SBF2: variants seen among roughly 807,000 people sequenced by gnomAD.
SBF2 encodes the protein SET binding factor 2.
Under a neutral mutation model 225.2 loss-of-function variants are expected in SBF2, and 112 were observed. The ratio of observed to expected loss-of-function variants is 0.50; its 90% CI spans 0.43 to 0.58. The LOEUF is 0.58. SBF2 is among the 20% of genes least tolerant of loss of function. The pLI is 0.00. For synonymous variants in SBF2, 763 were observed against 773.3 expected (o/e 0.99, Z 0.22); for missense variants, 1,996 against 2,206.2 (o/e 0.90, Z 1.91).
chr11:10,142,660 C>T (rs893355689), intron 2 of SBF2, among the ~76,000 whole-genome samples: 5 of 152,028 alleles, frequency 3.3e-5, no homozygotes, highest in African/African-American at 9.7e-5. Flanking sequence ...TCCCCACAAA[C>T]CACATAAAAC....
intron 1 of SBF2, among the ~76,000 whole-genome samples, chr11:10,210,536 A>G (rs1957901027): frequency 6.6e-6 from 1 of 152,100 alleles, no homozygotes; most frequent in Non-Finnish European, 1.5e-5. Flanking sequence ...AAAACACAAG[A>G]GTTTTATTTC....
intron 6 of SBF2, among the ~76,000 whole-genome samples, chr11:10,017,206 G>A (rs72858809): frequency 0.064 from 9,808 of 152,180 alleles, 384 homozygotes; most frequent in Middle Eastern, 0.16. Flanking sequence ...AAGAAAAAAA[G>A]AACTTTCTCC....
At chr11:9,851,135 C>CAAAAAA (rs773210379) in intron 21 of SBF2, among the ~76,000 whole-genome samples, 5 of 72,488 alleles carry the variant, frequency 6.9e-5, no homozygotes, top group South Asian at 4.9e-4. Flanking sequence ...GACTCCATCT[C>CAAAAAA]AAAAAAAAAA....
At chr11:10,243,634 G>A (rs11819840) in intron 1 of SBF2, among the ~76,000 whole-genome samples, 1,617 of 151,956 alleles carry the variant, frequency 0.011, 33 homozygotes, top group African/African-American at 0.037. Flanking sequence ...TACAATTGAT[G>A]CCACAAAAAT....
chr11:10,097,187 T>C lies in SBF2; in HGVS notation c.142-54206A>G, dbSNP rs544170985. Among the ~76,000 whole-genome samples, 3 of 152,348 alleles carry C rather than the reference T, an allele frequency of 2.0e-5. No individual in the cohort carries two copies. The South Asian group carries it at 6.2e-4, about 32-fold the overall frequency. On this transcript the variant is annotated intron_variant, in intron 2 of 39. Coordinates refer to ENST00000256190, the MANE Select transcript of SBF2 (RefSeq NM_030962.4). ...CACCCTGTCCGTCACTTTCGCCATT[T>C]GAGAACACAGCATTCTCTCCTCCAG... is the stretch of plus-strand genomic sequence containing the variant.
At chr11:10,214,393 G>A (rs1201842106) in intron 1 of SBF2, among the ~76,000 whole-genome samples, 2 of 152,124 alleles carry the variant, frequency 1.3e-5, no homozygotes, top group African/African-American at 4.8e-5. Context: ...GGAGTCCGAG[G>A]CGGGCGGATC....
At chr11:10,156,239 C>T (rs1163719603) in intron 2 of SBF2, among the ~76,000 whole-genome samples, 1 of 152,236 alleles carries the variant, frequency 6.6e-6, no homozygotes, top group African/African-American at 2.4e-5. Flanking sequence ...GTGGTGCTGA[C>T]ATGACAGCCC....
rs770319922 is a variant in SBF2, at chr11:9,965,322, A to G, written c.1601-1440T>C. The stretch of plus-strand genomic sequence containing the variant: ...CTTTTTTTTTTTTTTTTTTTTTGAG[A>G]CAGAGTTTCACTCTTATTGCCCAGG... On this transcript the variant is annotated intron_variant, in intron 14 of 39. Coordinates refer to ENST00000256190, the MANE Select transcript of SBF2 (RefSeq NM_030962.4). 4.6e-4 allele frequency among the ~76,000 whole-genome samples: 64 copies of G among 139,690 alleles called. 2 individuals carry two copies. The highest frequency in any genetic ancestry group is 7.6e-4 in the Non-Finnish European group (50 of 65,760). 91.6% of individuals were successfully genotyped at this position (139,690 alleles called of 152,430 possible).
At chr11:10,101,728 G>T (rs1326648568) in intron 2 of SBF2, among the ~76,000 whole-genome samples, 1 of 151,124 alleles carries the variant, frequency 6.6e-6, no homozygotes, top group South Asian at 2.1e-4. Flanking sequence ...CCTCTGCAAG[G>T]GTTTAATTAA....
At chr11:10,119,684 C>T (rs1046750258) in intron 2 of SBF2, among the ~76,000 whole-genome samples, 12 of 151,788 alleles carry the variant, frequency 7.9e-5, no homozygotes, top group Non-Finnish European at 1.3e-4. Flanking sequence ...AATTGGAGTC[C>T]GACAGTATGT....
At chr11:10,278,024 G>A (rs12294052) in intron 1 of SBF2, among the ~76,000 whole-genome samples, 4,835 of 152,190 alleles carry the variant, frequency 0.032, 227 homozygotes, top group African/African-American at 0.1. Flanking sequence ...ATTTTAAAGT[G>A]AGAATTCTCT....
intron 16 of SBF2, chr11:9,928,810 T>C (rs1864257505): frequency 4.8e-6 from 1 of 209,330 alleles, no homozygotes; most frequent in Non-Finnish European, 9.8e-6. Flanking sequence ...TTATGTTTTA[T>C]ACATCATTTT....
At position 9,825,525 on chromosome 11, in the gene SBF2, G is replaced by A. The variant is rs112638075; in HGVS notation, c.3793+3831C>T. Reference sequence around the variant, plus strand: ...ACACTCATTGGAAAGATGACTCAAGGAGGTTGAAAGCTCTTAGGAAATCCT... The same window carrying A: ...ACACTCATTGGAAAGATGACTCAAGAAGGTTGAAAGCTCTTAGGAAATCCT... On this transcript the variant is annotated intron_variant, in intron 28 of 39. Coordinates refer to ENST00000256190, the MANE Select transcript of SBF2 (RefSeq NM_030962.4). Among the ~76,000 whole-genome samples, 508 of 152,306 alleles carry A rather than the reference G, an allele frequency of 3.3e-3. 6 individuals carry two copies. Among genetic ancestry groups the A allele is most frequent in the African/African-American group, 0.011 (471 of 41,566 alleles).
At position 10,002,606 on chromosome 11, in the gene SBF2, T is replaced by C. The variant is rs1441387053; in HGVS notation, c.703A>G (p.Ser235Gly). The C allele has an allele frequency of 1.9e-6, 3 of 1,612,824 alleles. No individual in the cohort carries two copies. The highest frequency in any genetic ancestry group is 2.5e-6 in the Non-Finnish European group (3 of 1,178,994). The part of the protein sequence containing the change: ...LFHSASFQRL[S>G]DACRALESLM... ...GATTCCAGGGCTCTACAAGCATCACTAAGTCTCTGGAAACTTGCAGAATGG... is the reference window on the plus strand; with the variant it reads ...GATTCCAGGGCTCTACAAGCATCACCAAGTCTCTGGAAACTTGCAGAATGG... Residue 235 changes from serine (S) to glycine (G), a missense_variant, in exon 7 of 40, where the codon AGT (serine) becomes GGT (glycine). Coordinates refer to ENST00000256190, the MANE Select transcript of SBF2 (RefSeq NM_030962.4).
At position 9,886,469 on chromosome 11, in the gene SBF2, T is replaced by C. The variant is rs181432201; in HGVS notation, c.1929+9474A>G. On this transcript the variant is annotated intron_variant, in intron 17 of 39. Coordinates refer to ENST00000256190, the MANE Select transcript of SBF2 (RefSeq NM_030962.4). ...TTGTAGCTGGACTTATCTTTCAAGT[T>C]AAAATTCTGCAATTTTCCTTGTTTT... 2.6e-3 allele frequency among the ~76,000 whole-genome samples: 397 copies of C among 152,328 alleles called. 13 individuals carry two copies. The highest frequency in any genetic ancestry group is 0.026 in the Admixed American group (395 of 15,294).
chr11:9,901,643 G>C (rs1018730516), intron 16 of SBF2, among the ~76,000 whole-genome samples: 2 of 152,072 alleles, frequency 1.3e-5, no homozygotes, highest in Non-Finnish European at 2.9e-5. Flanking sequence ...TCATTAAATG[G>C]GTTTTTTTTA....
In SBF2 at chr11:9,780,410, C is replaced by G; in HGVS notation, c.*8G>C. On this transcript the variant is annotated 3_prime_UTR_variant, in exon 40 of 40. Transcript: ENST00000256190. Reference sequence around the variant, plus strand: ...TTCTGTTTCTTCTGCGTGGGTTGACCATGGGCATCAGGCATCAGAGATACA... The same window carrying G: ...TTCTGTTTCTTCTGCGTGGGTTGACGATGGGCATCAGGCATCAGAGATACA... 1 of 1,611,126 alleles carries G rather than the reference C, an allele frequency of 6.2e-7. No individual in the cohort carries two copies. Among genetic ancestry groups the G allele is most frequent in the Middle Eastern group, 1.7e-4 (1 of 6,058 alleles).
chr11:9,873,830 C>T (rs1858989282), intron 17 of SBF2, among the ~76,000 whole-genome samples: 1 of 152,180 alleles, frequency 6.6e-6, no homozygotes, highest in Admixed American at 6.5e-5. Context: ...GGGTGGATCA[C>T]CTGAGGTCAG....
At chr11:9,995,411 C>T (rs1388981754) in intron 9 of SBF2, among the ~76,000 whole-genome samples, 4 of 152,164 alleles carry the variant, frequency 2.6e-5, no homozygotes, top group African/African-American at 9.6e-5. Flanking sequence ...TTAAAGGCAA[C>T]ACTAAAATAT....
Sources: gnomAD v4.1 joint callset for allele counts (sites outside exome capture counted in the v4.1 genomes callset) on GRCh38, gnomAD v4.1.1 for gene constraint, MANE v1.5 for transcripts, NCBI Gene and HGNC (gene_info 2026-07-23, HGNC 2026-07-21) for gene names.